Variants in SLC24A2 observed in about 807,000 individuals in gnomAD.
The protein encoded by SLC24A2 is sodium/potassium/calcium exchanger 2.
SLC24A2 carries 36 observed loss-of-function variants against 62.0 expected under a neutral mutation model. The ratio of observed to expected loss-of-function variants is 0.58; its 90% CI spans 0.44 to 0.77. SLC24A2 has a LOEUF of 0.77. Among genes scored for constraint, SLC24A2 ranks in the 30% least tolerant of loss-of-function variants. The pLI, the probability that SLC24A2 is intolerant of heterozygous loss-of-function variation, is 0.00. For missense variants in SLC24A2, 846 were observed against 817.9 expected (o/e 1.03, Z -0.42); for synonymous variants, 358 against 294.0 (o/e 1.22, Z -2.23).
intron 7 of SLC24A2, among the ~76,000 whole-genome samples, chr9:19,554,516 G>T (rs1834988384): frequency 6.6e-6 from 1 of 152,176 alleles, no homozygotes; most frequent in Admixed American, 6.5e-5. Context: ...GATAGCAAGG[G>T]ATGACAGTAC....
chr9:19,749,479 A>T (rs1200078518), intron 2 of SLC24A2, among the ~76,000 whole-genome samples: 1 of 152,166 alleles, frequency 6.6e-6, no homozygotes, highest in Non-Finnish European at 1.5e-5. Flanking sequence ...CAGCCACATC[A>T]TCCAAGAAAT....
At chr9:20,275,176 A>G in the SLC24A2 span, among the ~76,000 whole-genome samples, 1 of 152,214 alleles carries the variant, frequency 6.6e-6, no homozygotes, top group Non-Finnish European at 1.5e-5. Flanking sequence ...AGCTAAAAGT[A>G]AACATAGACA....
the SLC24A2 span, among the ~76,000 whole-genome samples, chr9:20,245,699 G>A: frequency 5.0e-3 from 764 of 152,264 alleles, 7 homozygotes; most frequent in African/African-American, 0.018. Flanking sequence ...CAAAATGCAG[G>A]GAGCGATAAA....
At chr9:19,555,374 T>C (rs1835032936) in intron 7 of SLC24A2, among the ~76,000 whole-genome samples, 1 of 152,174 alleles carries the variant, frequency 6.6e-6, no homozygotes, top group South Asian at 2.1e-4. Context: ...GATAAGATTC[T>C]TTCTGTGTTT....
chr9:20,274,518 A>G, the SLC24A2 span, among the ~76,000 whole-genome samples: 3 of 152,112 alleles, frequency 2.0e-5, no homozygotes, highest in East Asian at 1.9e-4. Context: ...AAGAGGAGGA[A>G]CTATTGTCAA....
chr9:19,793,379 G>T (rs577259903), upstream of SLC24A2, among the ~76,000 whole-genome samples: 10 of 152,352 alleles, frequency 6.6e-5, no homozygotes, highest in African/African-American at 2.4e-4. Flanking sequence ...GCTTCAGCTT[G>T]GAAGTGGTGC....
At chr9:19,655,895 G>C (rs979808558) in intron 2 of SLC24A2, among the ~76,000 whole-genome samples, 2 of 152,100 alleles carry the variant, frequency 1.3e-5, no homozygotes, top group African/African-American at 4.8e-5. Context: ...ATGGGAGAAG[G>C]GCACCGTGGC....
At chr9:19,792,939 A>G (rs1323077439), upstream of SLC24A2, among the ~76,000 whole-genome samples, 1 of 152,168 alleles carries the variant, frequency 6.6e-6, no homozygotes, top group Non-Finnish European at 1.5e-5. Flanking sequence ...CCAAACCTCG[A>G]CTTTAGCTAA....
At chr9:20,252,167 GAGA>G in the SLC24A2 span, among the ~76,000 whole-genome samples, 13 of 152,204 alleles carry the variant, frequency 8.5e-5, no homozygotes, top group African/African-American at 3.1e-4. Context: ...TATGGACAAT[GAGA>G]AGATCATTAT....
chr9:19,524,856 C>A (rs944981363), intron 9 of SLC24A2, among the ~76,000 whole-genome samples: 3 of 152,020 alleles, frequency 2.0e-5, no homozygotes, highest in African/African-American at 7.2e-5. Context: ...AAAGATGGAA[C>A]CCTGCATGAT....
intron 5 of SLC24A2, among the ~76,000 whole-genome samples, chr9:19,592,941 C>G (rs1836600361): frequency 6.6e-6 from 1 of 152,174 alleles, no homozygotes; most frequent in African/African-American, 2.4e-5. Context: ...CTAGAAACAT[C>G]TTATTACAGG....
chr9:19,976,947 T>A, the SLC24A2 span, among the ~76,000 whole-genome samples: 4 of 152,040 alleles, frequency 2.6e-5, no homozygotes, highest in African/African-American at 9.7e-5. Context: ...AAAATAAACA[T>A]AGTGAACATA....
At chr9:20,127,543 T>A in the SLC24A2 span, among the ~76,000 whole-genome samples, 4 of 152,160 alleles carry the variant, frequency 2.6e-5, no homozygotes, top group African/African-American at 9.7e-5. Context: ...GTTTCATCTC[T>A]TTCCAGGGAT....
intron 2 of SLC24A2, among the ~76,000 whole-genome samples, chr9:19,766,157 T>C (rs1407025902): frequency 1.3e-5 from 2 of 152,222 alleles, no homozygotes; most frequent in Non-Finnish European, 2.9e-5. Flanking sequence ...AGGTCATTTA[T>C]GTTCTTCTCT....
At chr9:20,129,835 A>G in the SLC24A2 span, among the ~76,000 whole-genome samples, 33 of 151,950 alleles carry the variant, frequency 2.2e-4, no homozygotes, top group Non-Finnish European at 4.9e-4. Context: ...TATTCAGGAA[A>G]ATGTTCAGGA....
At chr9:20,168,973 C>T in the SLC24A2 span, among the ~76,000 whole-genome samples, 1 of 151,956 alleles carries the variant, frequency 6.6e-6, no homozygotes, top group Admixed American at 6.6e-5. Flanking sequence ...TAGATGAATG[C>T]ATAAACCAAG....
chr9:19,548,937 G>A (rs993410974), intron 8 of SLC24A2, among the ~76,000 whole-genome samples: 1 of 152,174 alleles, frequency 6.6e-6, no homozygotes, highest in South Asian at 2.1e-4. Context: ...TTTGTTGAAT[G>A]AGTTTGTGTG....
rs140921329 is a variant in SLC24A2 at position 19,719,456 on chromosome 9, C to T, written c.930+66481G>A. On this transcript the variant is annotated intron_variant, in intron 2 of 10. Transcript: ENST00000341998. ...TCTCAGAGAGGAGTTCTGCCTTTAA[C>T]CATATTGCTTCCTAGACTTTTGTTG... Among the ~76,000 whole-genome samples, 166 of 151,986 alleles carry T rather than the reference C, an allele frequency of 1.1e-3. 1 individual carries two copies. The highest frequency in any genetic ancestry group is 3.8e-3 in the African/African-American group (156 of 41,260).
At chr9:19,550,497 T>C (rs182255608) in intron 7 of SLC24A2, among the ~76,000 whole-genome samples, 2 of 152,328 alleles carry the variant, frequency 1.3e-5, no homozygotes, top group East Asian at 3.9e-4. Flanking sequence ...TCTCCTTGAA[T>C]GCTCTTCAGT....
Sources: gnomAD v4.1 joint callset for allele counts (sites outside exome capture counted in the v4.1 genomes callset) on GRCh38, gnomAD v4.1.1 for gene constraint, MANE v1.5 for transcripts, NCBI Gene and HGNC (gene_info 2026-07-23, HGNC 2026-07-21) for gene names.